Variants in LRRC8C observed in about 807,000 individuals in gnomAD.
The protein encoded by LRRC8C is volume-regulated anion channel subunit LRRC8C.
In LRRC8C, 20 loss-of-function variants were observed where a neutral mutation model predicts 55.3. The ratio of observed to expected loss-of-function variants is 0.36; its 90% CI spans 0.25 to 0.53. The LOEUF (loss-of-function observed/expected upper bound fraction) is 0.53, where lower values mean the gene tolerates loss of function less well. Ranked by LOEUF, LRRC8C falls within the 20% of genes least tolerant of loss-of-function variation. The probability of loss-of-function intolerance (pLI) is 0.92; values close to 1 mark genes in which losing one functional copy is unlikely to be tolerated. For synonymous variants in LRRC8C, 376 were observed against 360.7 expected (o/e 1.04, Z -0.48); for missense variants, 659 against 951.4 (o/e 0.69, Z 4.04).
At chr1:89,709,696 C>T (rs1195116034) in intron 2 of LRRC8C, among the ~76,000 whole-genome samples, 1 of 151,626 alleles carries the variant, frequency 6.6e-6, no homozygotes, top group Non-Finnish European at 1.5e-5. Context: ...TTGCTTTTAC[C>T]TGATTCCTCT....
Position 89,686,631 on chromosome 1 carries a change from G to A in LRRC8C, c.138+20G>A. ...TTACAGGTAGGTGCCTAGATCCCTG[G>A]CAAAATGGGGGCCAGAGCAAAGCAC... On this transcript the variant is annotated intron_variant, in intron 2 of 2. Coordinates refer to ENST00000370454, the MANE Select transcript of LRRC8C (RefSeq NM_032270.5). 1 of 1,612,984 alleles carries A rather than the reference G, an allele frequency of 6.2e-7. No individual in the cohort carries two copies. Among genetic ancestry groups the A allele is most frequent in the Non-Finnish European group, 8.5e-7 (1 of 1,179,668 alleles).
At chr1:89,694,665 T>C (rs1333376575) in intron 2 of LRRC8C, among the ~76,000 whole-genome samples, 3 of 137,748 alleles carry the variant, frequency 2.2e-5, no homozygotes, top group Non-Finnish European at 4.5e-5. Flanking sequence ...ATGATCTCAC[T>C]GCAACTCCAC....
At chr1:89,646,525 T>G (rs2101189041) in intron 1 of LRRC8C, among the ~76,000 whole-genome samples, 1 of 152,192 alleles carries the variant, frequency 6.6e-6, no homozygotes. Flanking sequence ...GATCATATGG[T>G]TTTTCTCCTT....
intron 1 of LRRC8C, among the ~76,000 whole-genome samples, chr1:89,669,394 A>G (rs1346136085): frequency 1.3e-5 from 2 of 152,146 alleles, no homozygotes; most frequent in Non-Finnish European, 2.9e-5. Context: ...CCCAAACTGT[A>G]TGGTATGCTT....
intron 1 of LRRC8C, among the ~76,000 whole-genome samples, chr1:89,649,502 T>C (rs1044761269): frequency 2.6e-5 from 4 of 152,168 alleles, no homozygotes; most frequent in African/African-American, 7.2e-5. Flanking sequence ...CCCCTCTTTT[T>C]GTTGTGTGTC....
In LRRC8C at chr1:89,686,622, A is replaced by G. The variant is rs1287750402; in HGVS notation, c.138+11A>G. The G allele has an allele frequency of 1.4e-5, 23 of 1,613,564 alleles. No individual in the cohort carries two copies. The highest frequency in any genetic ancestry group is 1.9e-5 in the Non-Finnish European group (23 of 1,179,890). ...GGATGTACTTTACAGGTAGGTGCCT[A>G]GATCCCTGGCAAAATGGGGGCCAGA... On this transcript the variant is annotated intron_variant, in intron 2 of 2. Transcript: ENST00000370454.
Position 89,712,840 on chromosome 1 carries a change from C to G in LRRC8C, c.270C>G (p.Asn90Lys), listed in dbSNP as rs753889427. 5.0e-6 allele frequency: 8 copies of G among 1,614,090 alleles called. No homozygotes were observed. Among genetic ancestry groups the G allele is most frequent in the Non-Finnish European group, 5.9e-6 (7 of 1,180,036 alleles). The change falls in exon 3 of 3, where the codon AAC becomes AAG. Residue 90 changes from asparagine to lysine, a missense_variant. Physicochemically the swap from Asn to Lys is moderately conservative, Grantham distance 94 (BLOSUM62 0). Around this residue, in one of 5 missense-constraint regions of LRRC8C, gnomAD observed 82 missense variants for 71.4 expected, o/e 1.15. Coordinates refer to ENST00000370454, the MANE Select transcript of LRRC8C (RefSeq NM_032270.5). ...PLPPPKPSPA[N>K]PITVEMKGLK... ...CTCCACCTAAACCATCTCCTGCTAA[C>G]CCCATCACTGTGGAAATGAAAGGCC...
intron 1 of LRRC8C, among the ~76,000 whole-genome samples, chr1:89,659,061 T>TTGTGTG (rs71084956): frequency 1.9e-4 from 10 of 53,980 alleles, no homozygotes; most frequent in East Asian, 7.1e-4. Flanking sequence ...TTTTTTTTTT[T>TTGTGTG]TGTGTGTGTG....
Position 89,713,889 on chromosome 1 carries a change from T to C in LRRC8C, c.1319T>C (p.Val440Ala). ...LIMLSGLPDT[V>A]FEITELQSLK... The stretch of plus-strand genomic sequence containing the variant: ...ATGCTCTCTGGCCTTCCAGACACTG[T>C]TTTTGAAATCACAGAGTTGCAATCT... The change falls in exon 3 of 3, where the codon GTT becomes GCT. Residue 440 changes from valine to alanine, a missense_variant. Val to Ala is a moderately conservative substitution (Grantham distance 64). Transcript: ENST00000370454. The surrounding 1 kb of genome is among the most constrained non-coding windows in gnomAD (Gnocchi z 5.2). The C allele has an allele frequency of 6.2e-7, 1 of 1,614,148 alleles. No homozygotes were observed. The highest frequency in any genetic ancestry group is 8.5e-7 in the Non-Finnish European group (1 of 1,180,000).
chr1:89,675,063 A>T (rs540713678), intron 1 of LRRC8C, among the ~76,000 whole-genome samples: 37 of 152,360 alleles, frequency 2.4e-4, no homozygotes, highest in Admixed American at 9.8e-4. Context: ...TTTGGTTGAC[A>T]GTTTGTATAA....
intron 1 of LRRC8C, among the ~76,000 whole-genome samples, chr1:89,666,921 C>T (rs6693717): frequency 0.37 from 55,514 of 151,812 alleles, 10,176 homozygotes; most frequent in African/African-American, 0.42. Flanking sequence ...GAGTAATACC[C>T]GTATAGTACA....
At chr1:89,659,077 G>GT (rs1657042392) in intron 1 of LRRC8C, among the ~76,000 whole-genome samples, 1 of 136,316 alleles carries the variant, frequency 7.3e-6, no homozygotes, top group African/African-American at 2.8e-5. Flanking sequence ...GTGTGTGTGT[G>GT]TGTGTGTGTG....
intron 2 of LRRC8C, among the ~76,000 whole-genome samples, chr1:89,686,831 G>T (rs1341668512): frequency 6.6e-6 from 1 of 152,180 alleles, no homozygotes; most frequent in East Asian, 1.9e-4. Context: ...AGCCCAAAGA[G>T]CAATTGACTG....
chr1:89,688,594 G>A (rs1228939226), intron 2 of LRRC8C, among the ~76,000 whole-genome samples: 1 of 152,214 alleles, frequency 6.6e-6, no homozygotes, highest in East Asian at 1.9e-4. Context: ...GTCCTGGAAG[G>A]AGGCTTCCAG....
At chr1:89,638,496 C>T (rs1208134587) in intron 1 of LRRC8C, among the ~76,000 whole-genome samples, 2 of 152,042 alleles carry the variant, frequency 1.3e-5, no homozygotes, top group African/African-American at 4.8e-5. Flanking sequence ...CTTGAGAACA[C>T]ATGGTGTAGC....
intron 1 of LRRC8C, among the ~76,000 whole-genome samples, chr1:89,633,634 T>TG (rs376031627): frequency 0.038 from 5,746 of 151,350 alleles, 347 homozygotes; most frequent in African/African-American, 0.13. Context: ...GGCGCGGGGG[T>TG]GGGGGGGCGG....
At chr1:89,658,326 T>A (rs1251128646) in intron 1 of LRRC8C, among the ~76,000 whole-genome samples, 1 of 152,236 alleles carries the variant, frequency 6.6e-6, no homozygotes, top group East Asian at 1.9e-4. Flanking sequence ...GTCTGAAATA[T>A]TAACTTATTC....
chr1:89,676,799 AT>A (rs1480427010), intron 1 of LRRC8C, among the ~76,000 whole-genome samples: 1 of 152,192 alleles, frequency 6.6e-6, no homozygotes, highest in Non-Finnish European at 1.5e-5. Context: ...TTCAATTCAT[AT>A]TTTTATAAGA....
the LRRC8C span, among the ~76,000 whole-genome samples, chr1:89,618,663 A>G: frequency 6.6e-6 from 1 of 152,202 alleles, no homozygotes; most frequent in Admixed American, 6.5e-5. Context: ...TTGAAGTAAG[A>G]TTTCATCTTA....
Sources: allele counts gnomAD v4.1 joint callset (sites outside exome capture counted in the v4.1 genomes callset), GRCh38; gene constraint gnomAD v4.1.1; regional missense constraint gnomAD v4.1.1; non-coding constraint Gnocchi (gnomAD v3.1); transcripts MANE v1.5; gene names NCBI Gene and HGNC (gene_info 2026-07-23, HGNC 2026-07-21).